The following EGFLAM variants were observed in gnomAD, a reference collection of about 807,000 sequenced individuals.
EGFLAM encodes the protein EGF like, fibronectin type III and laminin G domains.
In EGFLAM, 79 loss-of-function variants were observed where a neutral mutation model predicts 113.1. That is an observed-to-expected ratio of 0.70 (90% CI 0.58 to 0.84). EGFLAM has a LOEUF of 0.84. Among genes scored for constraint, EGFLAM ranks in the 40% least tolerant of loss-of-function variants. The pLI is 0.00. For synonymous variants in EGFLAM, 504 were observed against 487.6 expected, an observed-to-expected ratio of 1.03 and a Z score of -0.44; for missense variants, 1,265 against 1,291.6, an observed-to-expected ratio of 0.98 and a Z score of 0.32.
At chr5:38,335,313 G>A (rs1466106929) in intron 1 of EGFLAM, among the ~76,000 whole-genome samples, 1 of 152,158 alleles carries the variant, frequency 6.6e-6, no homozygotes, top group African/African-American at 2.4e-5. Context: ...TTTTACCAGC[G>A]ATATTTTGAT....
chr5:38,420,465 C>G (rs1411465623), intron 12 of EGFLAM, among the ~76,000 whole-genome samples: 1 of 152,188 alleles, frequency 6.6e-6, no homozygotes, highest in East Asian at 1.9e-4. Flanking sequence ...AGCCTGGACT[C>G]TGAAGGCAGA....
At chr5:38,258,978 CT>C (rs1757429152) in intron 1 of EGFLAM, 127 bp downstream of exon 1, 1 of 1,056,044 alleles carries the variant, frequency 9.5e-7, no homozygotes, top group South Asian at 1.7e-5. Context: ...CTCGCTTCAG[CT>C]CTGCCAGGAG....
At chr5:38,289,760 A>G (rs919290) in intron 1 of EGFLAM, among the ~76,000 whole-genome samples, 15,435 of 152,236 alleles carry the variant, frequency 0.1, 962 homozygotes, top group Admixed American at 0.17. Flanking sequence ...CTAGGGATAT[A>G]CAAGGAAGGC....
rs139012298 is a variant in EGFLAM at position 38,333,509 on chromosome 5, C to T, written c.98-4011C>T. 1.9e-3 allele frequency among the ~76,000 whole-genome samples: 286 copies of T among 152,136 alleles called. 3 individuals are homozygous for T. The highest frequency in any genetic ancestry group is 6.2e-4 in the South Asian group (3 of 4,814). ...AATAGCCATTCTGACTGGTGTGAGA[C>T]GGTATCTCATTATGGTTTTGATTTG... On this transcript the variant is annotated intron_variant, in intron 1 of 21. Coordinates refer to ENST00000322350, the MANE Select transcript of EGFLAM (RefSeq NM_152403.4).
intron 14 of EGFLAM, among the ~76,000 whole-genome samples, chr5:38,428,889 G>T (rs1273445253): frequency 6.6e-6 from 1 of 152,214 alleles, no homozygotes; most frequent in African/African-American, 2.4e-5. Flanking sequence ...ATTAGGTGAT[G>T]AAAATGAGGC....
At chr5:38,310,106 T>A (rs11749140) in intron 1 of EGFLAM, among the ~76,000 whole-genome samples, 13,946 of 152,260 alleles carry the variant, frequency 0.092, 839 homozygotes, top group Admixed American at 0.18. Context: ...TCAAGTCTTA[T>A]CTTTTAAAGT....
At chr5:38,299,408 G>T (rs991682369) in intron 1 of EGFLAM, among the ~76,000 whole-genome samples, 1 of 152,178 alleles carries the variant, frequency 6.6e-6, no homozygotes, top group Non-Finnish European at 1.5e-5. Context: ...GTGAGGCTTG[G>T]CTATGGCGTG....
intron 1 of EGFLAM, among the ~76,000 whole-genome samples, chr5:38,302,764 T>C (rs1292498009): frequency 6.6e-6 from 1 of 151,386 alleles, no homozygotes; most frequent in Non-Finnish European, 1.5e-5. Flanking sequence ...CTTGTTTAAG[T>C]AGCTGTAAAG....
intron 5 of EGFLAM, among the ~76,000 whole-genome samples, chr5:38,361,521 G>C (rs1739921788): frequency 6.6e-6 from 1 of 152,146 alleles, no homozygotes; most frequent in African/African-American, 2.4e-5. Flanking sequence ...GATTGATCTA[G>C]AGCAGGGGTG....
chr5:38,348,112 T>C (rs1288931506), intron 3 of EGFLAM, among the ~76,000 whole-genome samples: 2 of 151,632 alleles, frequency 1.3e-5, no homozygotes, highest in East Asian at 1.9e-4. Flanking sequence ...GTTTTGGCAG[T>C]AGGAGGAGGA....
intron 11 of EGFLAM, among the ~76,000 whole-genome samples, chr5:38,416,083 G>A (rs1012823981): frequency 2.0e-5 from 3 of 151,986 alleles, no homozygotes; most frequent in African/African-American, 7.3e-5. Context: ...ATAAGTAATT[G>A]CAAGAAGCAT....
At chr5:38,352,140 C>T (rs1244573733) in intron 4 of EGFLAM, 56 bp from the exon 5 acceptor site, 3 of 1,609,938 alleles carry the variant, frequency 1.9e-6, no homozygotes, top group Non-Finnish European at 2.5e-6. Context: ...CCCATTAAAC[C>T]TCTCCAACGG....
intron 16 of EGFLAM, among the ~76,000 whole-genome samples, 156 bp downstream of exon 16, chr5:38,435,409 T>C (rs1742311942): frequency 6.6e-6 from 1 of 152,244 alleles, no homozygotes; most frequent in Non-Finnish European, 1.5e-5. Context: ...ACAGCATGGC[T>C]TTCCAACCTC....
chr5:38,275,764 A>T (rs1757869611), intron 1 of EGFLAM, among the ~76,000 whole-genome samples: 1 of 152,220 alleles, frequency 6.6e-6, no homozygotes, highest in Admixed American at 6.5e-5. Context: ...TGCAGAATAC[A>T]CAATTTTCTT....
intron 1 of EGFLAM, among the ~76,000 whole-genome samples, chr5:38,266,672 C>A (rs1486406712): frequency 6.6e-6 from 1 of 152,102 alleles, no homozygotes; most frequent in East Asian, 1.9e-4. Flanking sequence ...TAGAAAGACT[C>A]CCTGGTCAAC....
At chr5:38,263,917 C>A (rs1270836293) in intron 1 of EGFLAM, among the ~76,000 whole-genome samples, 1 of 152,136 alleles carries the variant, frequency 6.6e-6, no homozygotes, top group East Asian at 1.9e-4. Context: ...GGATCTCCAG[C>A]TTGGAAGGCT....
intron 6 of EGFLAM, among the ~76,000 whole-genome samples, chr5:38,372,968 A>G (rs1305340453): frequency 6.6e-6 from 1 of 152,186 alleles, no homozygotes; most frequent in Non-Finnish European, 1.5e-5. Context: ...AAATTACCTA[A>G]TTATCAAATA....
chr5:38,337,727 A>G (rs1280815848), intron 2 of EGFLAM, 98 bp downstream of exon 2: 79 of 971,960 alleles, frequency 8.1e-5, no homozygotes, highest in Non-Finnish European at 1.2e-4. Flanking sequence ...CTTCCATATC[A>G]ATAACTGCCC....
Position 38,463,029 on chromosome 5 carries a change from G to C in EGFLAM, c.2875+18G>C. On this transcript the variant is annotated intron_variant, in intron 21 of 21. Coordinates refer to ENST00000322350, the MANE Select transcript of EGFLAM (RefSeq NM_152403.4). ...GTATGTGGGTAAGTGACCGACCCTC[G>C]ACCAAAGCAAAATTAGGCCAGTGCT... The C allele has an allele frequency of 6.2e-7, 1 of 1,605,962 alleles. No individual in the cohort carries two copies.
Sources: allele counts gnomAD v4.1 joint callset (sites outside exome capture counted in the v4.1 genomes callset), GRCh38; gene constraint gnomAD v4.1.1; transcripts MANE v1.5; gene names NCBI Gene and HGNC (gene_info 2026-07-23, HGNC 2026-07-21).